The following CDH4 variants were observed in gnomAD, a reference collection of about 807,000 sequenced individuals.
CDH4 encodes the protein cadherin-4.
CDH4 carries 33 observed loss-of-function variants against 86.0 expected under a neutral mutation model. That is an observed-to-expected ratio of 0.38 (90% CI 0.29 to 0.51). The LOEUF (loss-of-function observed/expected upper bound fraction) is 0.51, where lower values mean the gene tolerates loss of function less well. Among genes scored for constraint, CDH4 ranks in the 20% least tolerant of loss-of-function variants. The probability of loss-of-function intolerance (pLI) is 0.86; values close to 1 mark genes in which losing one functional copy is unlikely to be tolerated. For missense variants in CDH4, 1,114 were observed against 1,307.4 expected (o/e 0.85, Z 2.28); for synonymous variants, 555 against 549.4 (o/e 1.01, Z -0.14).
intron 3 of CDH4, among the ~76,000 whole-genome samples, chr20:61,762,325 G>A (rs1033153770): frequency 2.6e-5 from 4 of 152,224 alleles, no homozygotes; most frequent in African/African-American, 9.6e-5. Context: ...ATGTAAAAAA[G>A]TTCTGCTCTC....
chr20:61,870,200 C>T (rs368175523), intron 6 of CDH4, among the ~76,000 whole-genome samples: 10 of 152,338 alleles, frequency 6.6e-5, no homozygotes, highest in South Asian at 2.1e-4. Flanking sequence ...CCTGCTCCAC[C>T]GCTGTCCGAT....
intron 2 of CDH4, among the ~76,000 whole-genome samples, chr20:61,724,093 C>T (rs1042446617): frequency 6.9e-6 from 1 of 144,510 alleles, no homozygotes; most frequent in African/African-American, 2.6e-5. Flanking sequence ...GGGTGGGTCC[C>T]CATGCAGGGG....
chr20:61,900,899 G>A (rs963643558), intron 8 of CDH4, among the ~76,000 whole-genome samples: 6 of 152,204 alleles, frequency 3.9e-5, no homozygotes, highest in Admixed American at 6.5e-5. Flanking sequence ...CCTTGGCAGC[G>A]TACCTGACTC....
intron 2 of CDH4, among the ~76,000 whole-genome samples, chr20:61,376,344 A>G (rs2084872385): frequency 6.6e-6 from 1 of 151,816 alleles, no homozygotes; most frequent in Non-Finnish European, 1.5e-5. Flanking sequence ...TGTTGTTGGG[A>G]AAGATCCCAG....
intron 5 of CDH4, among the ~76,000 whole-genome samples, chr20:61,845,599 C>G (rs1171367530): frequency 6.6e-6 from 1 of 152,246 alleles, no homozygotes; most frequent in Non-Finnish European, 1.5e-5. Flanking sequence ...GGGTCACACC[C>G]CGACCTGCCC....
intron 9 of CDH4, among the ~76,000 whole-genome samples, chr20:61,921,072 GATTGCATGGAAGCATTGTGTCACAGTA>G (rs2054976585): frequency 6.6e-6 from 1 of 150,448 alleles, no homozygotes; most frequent in Non-Finnish European, 1.5e-5. Context: ...GTGGTGTCGT[GATTGCATGGAAGCATTGTGTCACAGTA>G]ATTGCATGGA....
Position 61,619,021 on chromosome 20 carries a change from T to C in CDH4, c.170-124542T>C, listed in dbSNP as rs532550650. Among the ~76,000 whole-genome samples the C allele has an allele frequency of 1.3e-3, 196 of 152,310 alleles. 1 individual carries two copies. The highest frequency in any genetic ancestry group is 4.4e-3 in the African/African-American group (184 of 41,566). On this transcript the variant is annotated intron_variant, in intron 2 of 15. Transcript: ENST00000614565. ...AGACCCCAGTTCACTGCCCTCTTCC[T>C]TTCCAGAGCAGCAAGTCTTGGCGTG...
intron 2 of CDH4, among the ~76,000 whole-genome samples, chr20:61,671,800 TGATG>T (rs2087391328): frequency 6.8e-6 from 1 of 148,038 alleles, no homozygotes; most frequent in African/African-American, 2.5e-5. Context: ...GATGGATAGA[TGATG>T]GATGGGTAGG....
intron 4 of CDH4, among the ~76,000 whole-genome samples, chr20:61,843,809 A>G (rs1184077510): frequency 6.6e-6 from 1 of 152,184 alleles, no homozygotes; most frequent in Non-Finnish European, 1.5e-5. Context: ...GAAAAAAAGT[A>G]GTATATGCTA....
rs1036552636 is a variant in CDH4, at chr20:61,709,922, T to A, written c.170-33641T>A. Among the ~76,000 whole-genome samples, 5 of 152,114 alleles carry A rather than the reference T, an allele frequency of 3.3e-5. No individual in the cohort carries two copies. The highest frequency in any genetic ancestry group is 1.2e-4 in the African/African-American group (5 of 41,418). Reference sequence around the variant, plus strand: ...GTCTGTTTTTGTAGCCGTGTGAGAGTTTTTTTCATTAGCGGGATCGGGCAA... The same window carrying A: ...GTCTGTTTTTGTAGCCGTGTGAGAGATTTTTTCATTAGCGGGATCGGGCAA... On this transcript the variant is annotated intron_variant, in intron 2 of 15. Transcript: ENST00000614565. The surrounding 1 kb of genome is among the most constrained non-coding windows in gnomAD (Gnocchi z 4.8).
intron 9 of CDH4, among the ~76,000 whole-genome samples, chr20:61,921,111 G>T (rs1449089057): frequency 6.6e-6 from 1 of 151,754 alleles, no homozygotes; most frequent in African/African-American, 2.4e-5. Flanking sequence ...TTGCATGGAA[G>T]CGTGGTGTCA....
chr20:61,432,451 C>T (rs2085253026), intron 2 of CDH4, among the ~76,000 whole-genome samples: 1 of 152,202 alleles, frequency 6.6e-6, no homozygotes, highest in African/African-American at 2.4e-5. Context: ...TGTGGAGTGT[C>T]TGTTTCCATC....
At chr20:61,664,506 G>T (rs1159150987) in intron 2 of CDH4, among the ~76,000 whole-genome samples, 1 of 152,232 alleles carries the variant, frequency 6.6e-6, no homozygotes, top group Non-Finnish European at 1.5e-5. Context: ...GCCTGCATCA[G>T]CCGGGCTGGG....
intron 7 of CDH4, among the ~76,000 whole-genome samples, chr20:61,875,724 G>A (rs1001340560): frequency 5.3e-5 from 8 of 152,168 alleles, no homozygotes; most frequent in Non-Finnish European, 1.0e-4. Context: ...CGCCCGCTCC[G>A]CTCAGACAAG....
At chr20:61,505,975 A>G (rs1039859815) in intron 2 of CDH4, among the ~76,000 whole-genome samples, 17 of 152,264 alleles carry the variant, frequency 1.1e-4, no homozygotes, top group African/African-American at 3.9e-4. Flanking sequence ...AAGTCTGGTG[A>G]TGGTACGAAA....
Position 61,600,343 on chromosome 20 carries a change from G to A in CDH4, c.170-143220G>A, listed in dbSNP as rs898021044. ...GTGGGGATGGCCCAGTGTCCTCTCT[G>A]CAGCTCATCTCCTGCGAGGCACAGG... On this transcript the variant is annotated intron_variant, in intron 2 of 15. Coordinates refer to ENST00000614565, the MANE Select transcript of CDH4 (RefSeq NM_001794.5). 5.3e-5 allele frequency among the ~76,000 whole-genome samples: 8 copies of A among 152,214 alleles called. 1 individual carries two copies. The highest frequency in any genetic ancestry group is 5.2e-4 in the Admixed American group (8 of 15,290).
intron 2 of CDH4, among the ~76,000 whole-genome samples, chr20:61,390,174 TG>T: frequency 7.0e-6 from 1 of 143,638 alleles, no homozygotes; most frequent in Non-Finnish European, 1.5e-5. Flanking sequence ...GTGCCCATAG[TG>T]CCGTGTCTGG....
chr20:61,268,970 T>A (rs2084170320), intron 2 of CDH4, among the ~76,000 whole-genome samples: 1 of 152,174 alleles, frequency 6.6e-6, no homozygotes, highest in Non-Finnish European at 1.5e-5. Flanking sequence ...CGCTGGTGTT[T>A]GACTCCTGCA....
At chr20:61,611,924 G>T (rs559722265) in intron 2 of CDH4, among the ~76,000 whole-genome samples, 31 of 152,210 alleles carry the variant, frequency 2.0e-4, no homozygotes, top group South Asian at 2.1e-4. Context: ...AAAACTTCTT[G>T]TTGTGTGGGG....
Sources: gnomAD v4.1 joint callset for allele counts (sites outside exome capture counted in the v4.1 genomes callset) on GRCh38, gnomAD v4.1.1 for gene constraint, Gnocchi (gnomAD v3.1) non-coding constraint, MANE v1.5 for transcripts, NCBI Gene and HGNC (gene_info 2026-07-23, HGNC 2026-07-21) for gene names.